COLEC10: variants seen among roughly 807,000 people sequenced by gnomAD.
COLEC10 encodes collectin subfamily member 10, also known as collectin-10.
COLEC10 carries 22 observed loss-of-function variants against 28.4 expected under a neutral mutation model. The observed-to-expected ratio is 0.78, with a 90% CI of 0.55 to 1.11. The LOEUF is 1.11. Ranked by LOEUF, COLEC10 falls within the 50% of genes least tolerant of loss-of-function variation. The pLI is 0.00. For missense variants in COLEC10, 361 were observed against 344.1 expected, an observed-to-expected ratio of 1.05 and a Z score of -0.39; for synonymous variants, 125 against 116.1, an observed-to-expected ratio of 1.08 and a Z score of -0.49.
chr8:119,026,755 A>C (rs1239363702), intron 2 of COLEC10, among the ~76,000 whole-genome samples: 2 of 152,210 alleles, frequency 1.3e-5, no homozygotes, highest in Non-Finnish European at 1.5e-5. Flanking sequence ...GGCCGTGGGA[A>C]CATCCAACAA....
the COLEC10 span, among the ~76,000 whole-genome samples, chr8:118,990,227 T>C: frequency 6.6e-6 from 1 of 152,106 alleles, no homozygotes; most frequent in Non-Finnish European, 1.5e-5. Context: ...TCTAATATTA[T>C]CCAATAAAAA....
chr8:118,952,927 T>A, the COLEC10 span, among the ~76,000 whole-genome samples: 1 of 152,180 alleles, frequency 6.6e-6, no homozygotes, highest in Non-Finnish European at 1.5e-5. Context: ...TGTTTACAGA[T>A]GGCTGAAAAA....
the COLEC10 span, among the ~76,000 whole-genome samples, chr8:118,971,087 G>A: frequency 9.9e-5 from 15 of 151,946 alleles, no homozygotes; most frequent in Non-Finnish European, 1.8e-4. Flanking sequence ...AAGGAAGGGG[G>A]AGTTGGGTTA....
At chr8:119,091,732 G>T (rs1815606986) in intron 3 of COLEC10, among the ~76,000 whole-genome samples, 1 of 151,948 alleles carries the variant, frequency 6.6e-6, no homozygotes, top group African/African-American at 2.4e-5. Flanking sequence ...TTCATAGTTT[G>T]TCTCTTTCTT....
At chr8:119,083,438 A>T (rs1236154831) in intron 1 of COLEC10, among the ~76,000 whole-genome samples, 1 of 152,178 alleles carries the variant, frequency 6.6e-6, no homozygotes, top group African/African-American at 2.4e-5. Context: ...TCTAAACCAT[A>T]TGGATTGAGA....
the COLEC10 span, among the ~76,000 whole-genome samples, chr8:118,952,902 G>A: frequency 6.6e-6 from 1 of 152,166 alleles, no homozygotes; most frequent in African/African-American, 2.4e-5. Flanking sequence ...ACAGTTCGCG[G>A]GTTGCCACTG....
At chr8:118,982,383 C>G in the COLEC10 span, among the ~76,000 whole-genome samples, 1 of 152,062 alleles carries the variant, frequency 6.6e-6, no homozygotes, top group Non-Finnish European at 1.5e-5. Context: ...ACAAATCTTT[C>G]AAAATATTAT....
At chr8:119,001,480 G>A (rs1284582977) in intron 1 of COLEC10, among the ~76,000 whole-genome samples, 2 of 152,134 alleles carry the variant, frequency 1.3e-5, no homozygotes, top group African/African-American at 4.8e-5. Context: ...GGGGAGGGGA[G>A]CCAGTAGTGA....
chr8:119,088,064 C>T (rs900666540), intron 1 of COLEC10, among the ~76,000 whole-genome samples: 2 of 151,746 alleles, frequency 1.3e-5, no homozygotes, highest in Non-Finnish European at 2.9e-5. Flanking sequence ...GAGGTTAAGG[C>T]TGCAATGAAC....
At chr8:118,990,390 G>A in the COLEC10 span, among the ~76,000 whole-genome samples, 1 of 152,072 alleles carries the variant, frequency 6.6e-6, no homozygotes, top group African/African-American at 2.4e-5. Flanking sequence ...TTCATGTGTA[G>A]CTGATACAAT....
the COLEC10 span, among the ~76,000 whole-genome samples, chr8:118,989,836 T>C: frequency 6.6e-6 from 1 of 152,016 alleles, no homozygotes; most frequent in African/African-American, 2.4e-5. Context: ...CCAGAAATCT[T>C]TTAGATTTCA....
upstream of COLEC10, among the ~76,000 whole-genome samples, chr8:118,990,906 A>G (rs17831267): frequency 0.048 from 7,365 of 152,070 alleles, 273 homozygotes; most frequent in East Asian, 0.17. Flanking sequence ...GAGCAGGAAT[A>G]TAAAAAGTTT....
the COLEC10 span, among the ~76,000 whole-genome samples, chr8:118,963,202 C>T: frequency 1.3e-5 from 2 of 152,110 alleles, no homozygotes; most frequent in Non-Finnish European, 2.9e-5. Flanking sequence ...TAACAACTAC[C>T]ATTTATAGAA....
At chr8:119,068,493 A>G (rs1587036771) in intron 1 of COLEC10, 1 of 151,698 alleles carries the variant, frequency 6.6e-6, no homozygotes, top group Non-Finnish European at 1.5e-5. Flanking sequence ...GATTAGAAAT[A>G]AAGTATTTGC....
chr8:118,999,646 T>C (rs1646533921), intron 1 of COLEC10, among the ~76,000 whole-genome samples: 2 of 148,776 alleles, frequency 1.3e-5, no homozygotes. Flanking sequence ...TTCCTCAAGA[T>C]GGAAAAAAGA....
the COLEC10 span, among the ~76,000 whole-genome samples, chr8:118,974,120 A>C: frequency 1.3e-5 from 2 of 151,892 alleles, no homozygotes; most frequent in Non-Finnish European, 2.9e-5. Flanking sequence ...AGTCTATGCT[A>C]TCTATAACAG....
chr8:119,027,286 T>C (rs1814210030), intron 2 of COLEC10, among the ~76,000 whole-genome samples: 1 of 152,184 alleles, frequency 6.6e-6, no homozygotes. Flanking sequence ...CTTGGACTTC[T>C]CCTAGACTGA....
intron 1 of COLEC10, among the ~76,000 whole-genome samples, chr8:119,085,958 TAAC>T (rs756564705): frequency 8.5e-5 from 13 of 152,140 alleles, no homozygotes; most frequent in Non-Finnish European, 1.6e-4. Context: ...GAAAGGTTAC[TAAC>T]AACAACTCCC....
At chr8:118,994,497 A>G (rs1232026611), upstream of COLEC10, among the ~76,000 whole-genome samples, 3 of 152,210 alleles carry the variant, frequency 2.0e-5, no homozygotes, top group Non-Finnish European at 4.4e-5. Flanking sequence ...CACTAGCTAG[A>G]ATGCTTCACG....
Sources: allele counts gnomAD v4.1 joint callset (sites outside exome capture counted in the v4.1 genomes callset), GRCh38; gene constraint gnomAD v4.1.1; transcripts MANE v1.5; gene names NCBI Gene and HGNC (gene_info 2026-07-23, HGNC 2026-07-21).